Variants in ALK observed in about 807,000 individuals in gnomAD.
ALK encodes ALK tyrosine kinase receptor.
Under a neutral mutation model 163.1 loss-of-function variants are expected in ALK, and 74 were observed. The ratio of observed to expected loss-of-function variants is 0.45; its 90% confidence interval spans 0.38 to 0.55. The LOEUF is 0.55. ALK is among the 20% of genes least tolerant of loss of function. The pLI, the probability that ALK is intolerant of heterozygous loss-of-function variation, is 0.00. For synonymous variants in ALK, 960 were observed against 843.2 expected (o/e 1.14, Z -2.40); for missense variants, 2,063 against 2,105.3 (o/e 0.98, Z 0.39).
intron 1 of ALK, among the ~76,000 whole-genome samples, chr2:29,844,318 G>A (rs535228633): frequency 1.3e-5 from 2 of 152,186 alleles, no homozygotes; most frequent in African/African-American, 4.8e-5. Flanking sequence ...AGAATGAGCA[G>A]TGCCCCCCGG....
intron 4 of ALK, among the ~76,000 whole-genome samples, chr2:29,440,335 T>TG (rs1670508037): frequency 6.6e-6 from 1 of 151,592 alleles, no homozygotes; most frequent in Non-Finnish European, 1.5e-5. Context: ...TTTTTTTTTT[T>TG]TGAGACGGAG....
intron 4 of ALK, among the ~76,000 whole-genome samples, chr2:29,396,487 A>G (rs1669306329): frequency 6.6e-6 from 1 of 152,144 alleles, no homozygotes. Flanking sequence ...CAGCCTGACC[A>G]ACATGGTGAA....
intron 3 of ALK, among the ~76,000 whole-genome samples, chr2:29,644,460 A>C (rs1036009156): frequency 2.0e-5 from 3 of 152,102 alleles, no homozygotes; most frequent in African/African-American, 7.2e-5. Flanking sequence ...TTTCACCTAG[A>C]GCTGCTTCTA....
chr2:29,209,753 C>G (rs1180156574), intron 25 of ALK, 33 bp downstream of exon 25: 10 of 1,542,580 alleles, frequency 6.5e-6, no homozygotes, highest in Non-Finnish European at 9.0e-6. Flanking sequence ...GTGGAAGAGA[C>G]AGGCCCGGAG....
intron 3 of ALK, among the ~76,000 whole-genome samples, chr2:29,585,571 A>G (rs1573477522): frequency 1.3e-5 from 2 of 152,200 alleles, no homozygotes; most frequent in Admixed American, 6.5e-5. Context: ...CAGGTGATCC[A>G]CCTGCCTCGG....
chr2:29,207,065 C>A (rs2148151623), intron 26 of ALK, 106 bp downstream of exon 26: 1 of 836,580 alleles, frequency 1.2e-6, no homozygotes, highest in Non-Finnish European at 2.1e-6. Flanking sequence ...CTTCTCTTTT[C>A]CCTCCCTACT....
intron 4 of ALK, among the ~76,000 whole-genome samples, chr2:29,454,621 G>C (rs1670903899): frequency 6.6e-6 from 1 of 152,078 alleles, no homozygotes; most frequent in African/African-American, 2.4e-5. Context: ...GAATGAAATT[G>C]CATTGATGAA....
rs192066187 is a variant in ALK, at chr2:29,628,289, A to G, written c.952+66561T>C. On this transcript the variant is annotated intron_variant, in intron 3 of 28. Transcript: ENST00000389048. ...TATGAGCCTTACATCCTCCCACAAA[A>G]CCACAAGTAAAATTTACAAATTTTC... Among the ~76,000 whole-genome samples the G allele has an allele frequency of 2.0e-5, 3 of 152,276 alleles. No individual in the cohort carries two copies. The East Asian group carries it at 5.8e-4, about 29-fold the overall frequency.
At chr2:29,262,931 G>C (rs973797303) in intron 11 of ALK, among the ~76,000 whole-genome samples, 1 of 152,214 alleles carries the variant, frequency 6.6e-6, no homozygotes, top group Non-Finnish European at 1.5e-5. Context: ...AAGGTCACAG[G>C]AAAAACACTA....
intron 4 of ALK, among the ~76,000 whole-genome samples, chr2:29,501,412 C>A (rs755825139): frequency 6.6e-6 from 1 of 152,224 alleles, no homozygotes; most frequent in Non-Finnish European, 1.5e-5. Context: ...CTTGAAAGAA[C>A]TGTCCTTGAA....
At chr2:29,368,549 A>G (rs562932540) in intron 5 of ALK, among the ~76,000 whole-genome samples, 2 of 152,346 alleles carry the variant, frequency 1.3e-5, no homozygotes, top group South Asian at 4.1e-4. Flanking sequence ...TTGTTGCAAA[A>G]TCAAATTACC....
At chr2:29,620,975 T>C (rs1317246682) in intron 3 of ALK, among the ~76,000 whole-genome samples, 1 of 152,150 alleles carries the variant, frequency 6.6e-6, no homozygotes, top group East Asian at 1.9e-4. Context: ...CTTATCTGCC[T>C]CCAGGGAGAG....
At position 29,616,302 on chromosome 2, in the gene ALK, G is replaced by A. The variant is rs527474188; in HGVS notation, c.952+78548C>T. 7.9e-4 allele frequency among the ~76,000 whole-genome samples: 120 copies of A among 152,320 alleles called. 1 individual carries two copies. The highest frequency in any genetic ancestry group is 2.8e-3 in the African/African-American group (116 of 41,584). Reference sequence around the variant, plus strand: ...GGGAAGGACAGCCTGGAAAGATGGGGAGGGATTATCAGCAGTGAATAAAGA... The same window carrying A: ...GGGAAGGACAGCCTGGAAAGATGGGAAGGGATTATCAGCAGTGAATAAAGA... On this transcript the variant is annotated intron_variant, in intron 3 of 28. Transcript: ENST00000389048.
chr2:29,714,671 A>T (rs1357189813), intron 2 of ALK, among the ~76,000 whole-genome samples: 3 of 152,160 alleles, frequency 2.0e-5, no homozygotes, highest in Non-Finnish European at 4.4e-5. Flanking sequence ...ACTTGCAGAG[A>T]CTTGGTGACT....
chr2:29,589,622 G>T (rs1220302128), intron 3 of ALK, among the ~76,000 whole-genome samples: 1 of 152,182 alleles, frequency 6.6e-6, no homozygotes, highest in Non-Finnish European at 1.5e-5. Flanking sequence ...ACAGCCTGCT[G>T]TCTTTAGGCT....
intron 1 of ALK, among the ~76,000 whole-genome samples, chr2:29,750,733 A>AAGGG (rs1045957738): frequency 6.0e-4 from 85 of 140,596 alleles, no homozygotes; most frequent in Non-Finnish European, 8.8e-4. Flanking sequence ...GGAAGGAAGA[A>AAGGG]AGGGAGGGAG....
intron 11 of ALK, among the ~76,000 whole-genome samples, chr2:29,261,909 T>C (rs1323045749): frequency 6.6e-6 from 1 of 152,240 alleles, no homozygotes; most frequent in Admixed American, 6.5e-5. Context: ...AAAATCTTTA[T>C]GTCACAGTTT....
At chr2:29,540,217 T>C (rs182177084) in intron 3 of ALK, among the ~76,000 whole-genome samples, 162 of 152,144 alleles carry the variant, frequency 1.1e-3, no homozygotes, top group East Asian at 9.5e-3. Context: ...CTTTATAGGG[T>C]TCCTGACCTG....
intron 4 of ALK, among the ~76,000 whole-genome samples, chr2:29,437,098 C>T (rs981813873): frequency 2.0e-5 from 3 of 152,226 alleles, no homozygotes; most frequent in South Asian, 2.1e-4. Flanking sequence ...CTCTTAGAAG[C>T]GGAAATCACT....
Sources: allele counts gnomAD v4.1 joint callset (sites outside exome capture counted in the v4.1 genomes callset), GRCh38; gene constraint gnomAD v4.1.1; transcripts MANE v1.5; gene names NCBI Gene and HGNC (gene_info 2026-07-23, HGNC 2026-07-21).